WDR72: variants seen among roughly 807,000 people sequenced by gnomAD.
The protein encoded by WDR72 is WD repeat domain 72.
In WDR72, 120 loss-of-function variants were observed where a neutral mutation model predicts 124.2. The observed-to-expected ratio is 0.97, with a 90% CI of 0.83 to 1.12. The LOEUF (loss-of-function observed/expected upper bound fraction) is 1.12. WDR72 is among the 50% of genes most tolerant of loss of function. The pLI, the probability that WDR72 is intolerant of heterozygous loss-of-function variation, is 0.00. For synonymous variants in WDR72, 452 were observed against 441.7 expected, an observed-to-expected ratio of 1.02 and a Z score of -0.29; for missense variants, 1,387 against 1,278.8, an observed-to-expected ratio of 1.08 and a Z score of -1.29.
chr15:53,647,642 A>G (rs1023668781), intron 14 of WDR72, among the ~76,000 whole-genome samples: 2 of 152,034 alleles, frequency 1.3e-5, no homozygotes, highest in African/African-American at 2.4e-5. Context: ...CTTCTGCTTC[A>G]TTAGCTCTGT....
At chr15:53,748,192 A>T (rs1243105947) in intron 1 of WDR72, among the ~76,000 whole-genome samples, 1 of 152,184 alleles carries the variant, frequency 6.6e-6, no homozygotes, top group Non-Finnish European at 1.5e-5. Context: ...TTAACTAAGT[A>T]TTCATGCTAC....
chr15:53,681,055 G>C (rs1250028980), intron 13 of WDR72, among the ~76,000 whole-genome samples: 9 of 152,204 alleles, frequency 5.9e-5, no homozygotes, highest in Non-Finnish European at 1.3e-4. Flanking sequence ...AAACACAAAA[G>C]ACCTTTCCCA....
chr15:53,536,408 G>A (rs1057310334), intron 18 of WDR72, among the ~76,000 whole-genome samples: 2 of 152,100 alleles, frequency 1.3e-5, no homozygotes, highest in Non-Finnish European at 2.9e-5. Flanking sequence ...AAGTGGAAGA[G>A]AACTTCAACT....
At chr15:53,521,379 G>T (rs1440278528) in intron 19 of WDR72, among the ~76,000 whole-genome samples, 1 of 152,052 alleles carries the variant, frequency 6.6e-6, no homozygotes, top group Non-Finnish European at 1.5e-5. Context: ...ATTCTCAGTG[G>T]AAGGCAGTGA....
intron 18 of WDR72, among the ~76,000 whole-genome samples, chr15:53,581,153 G>A (rs1301895349): frequency 1.3e-5 from 2 of 151,998 alleles, no homozygotes; most frequent in Non-Finnish European, 2.9e-5. Flanking sequence ...ATTAGAGAGC[G>A]AGAGTGTGTG....
intron 18 of WDR72, among the ~76,000 whole-genome samples, chr15:53,575,006 AACACACAC>A (rs3081214): frequency 0.016 from 2,359 of 147,278 alleles, 67 homozygotes; most frequent in African/African-American, 0.055. Context: ...AATCAAACAC[AACACACAC>A]ACACACACAC....
At chr15:53,626,416 C>G (rs911341701) in intron 14 of WDR72, among the ~76,000 whole-genome samples, 2 of 152,162 alleles carry the variant, frequency 1.3e-5, no homozygotes, top group African/African-American at 4.8e-5. Flanking sequence ...GCACAGCGGA[C>G]ACCCTGCCGG....
chr15:53,699,782 T>C lies in WDR72; in HGVS notation c.1733A>G (p.Asp578Gly), dbSNP rs1231855370. 1 of 1,614,190 alleles carries C rather than the reference T, an allele frequency of 6.2e-7. No homozygotes were observed. The highest frequency in any genetic ancestry group is 8.5e-7 in the Non-Finnish European group (1 of 1,180,034). ...AATTTCCCAGATATAAACTGAGTCA[T>C]CTGCACATCCAACAATTAAAAAATT... ...VENFLIVGCA[D>G]DSVYIWEIET... is the part of the protein sequence containing the mutation. Residue 578 changes from aspartate to glycine, a missense_variant, in exon 13 of 20, where the codon GAT becomes GGT. Coordinates refer to ENST00000360509, the MANE Select transcript of WDR72 (RefSeq NM_182758.4).
At chr15:53,742,114 T>G (rs1423383314) in intron 1 of WDR72, among the ~76,000 whole-genome samples, 1 of 152,188 alleles carries the variant, frequency 6.6e-6, no homozygotes, top group African/African-American at 2.4e-5. Flanking sequence ...AAGAACTGAT[T>G]AAAAGCTTGC....
chr15:53,608,785 T>TAAATAAATAAATAAATAAATAAAA (rs61501258), intron 17 of WDR72, among the ~76,000 whole-genome samples: 2,462 of 149,876 alleles, frequency 0.016, 44 homozygotes, highest in African/African-American at 0.039. Context: ...AATAAATAAA[T>TAAATAAATAAATAAATAAATAAAA]ATAAAAATAA....
In WDR72 at chr15:53,616,119, G is replaced by A. The variant is rs2013755829; in HGVS notation, c.2087C>T (p.Thr696Ile). ...GGAAGAGTCAACATCACTGAGTGGA[G>A]TTGGTAGCAAAAGTTCAACAAGGTT... ...LENLVELLLP[T>I]PLSDVDSSSS... is the part of the protein sequence containing the mutation. Residue 696 changes from threonine (T) to isoleucine (I), a missense_variant, in exon 15 of 20, where the codon ACT becomes ATT. By Grantham distance (89) the Thr-to-Ile change is moderately conservative (BLOSUM62 -1). Transcript: ENST00000360509. 6.2e-7 allele frequency: 1 copy of A among 1,604,798 alleles called. No homozygotes were observed. Among genetic ancestry groups the A allele is most frequent in the African/African-American group, 1.3e-5 (1 of 74,470 alleles).
chr15:53,535,060 G>T (rs1196709385), intron 18 of WDR72, among the ~76,000 whole-genome samples: 1 of 151,974 alleles, frequency 6.6e-6, no homozygotes, highest in Non-Finnish European at 1.5e-5. Flanking sequence ...AGGAAATAAA[G>T]AGGATTTGTC....
intron 3 of WDR72, 64 bp downstream of exon 3, chr15:53,722,738 C>T (rs2017911557): frequency 5.0e-6 from 7 of 1,413,888 alleles, no homozygotes; most frequent in Middle Eastern, 1.7e-4. Flanking sequence ...AAATTGTATT[C>T]CATTGTAGTT....
At chr15:53,646,140 C>T (rs1485741656) in intron 14 of WDR72, among the ~76,000 whole-genome samples, 1 of 152,066 alleles carries the variant, frequency 6.6e-6, no homozygotes, top group East Asian at 1.9e-4. Context: ...TTTTTAATGA[C>T]TGCAAAGAAA....
In WDR72 at chr15:53,724,599, G is replaced by T. The variant is rs371943461; in HGVS notation, c.154-1691C>A. Among the ~76,000 whole-genome samples the T allele has an allele frequency of 8.5e-5, 13 of 152,232 alleles. No individual in the cohort carries two copies. The South Asian group carries it at 2.7e-3, about 32-fold the overall frequency. ...ACTTTTAAACCATAGGATCTCGCGAGAACTCACTCACTATCACAAGAACAG... is the reference window on the plus strand; with the variant it reads ...ACTTTTAAACCATAGGATCTCGCGATAACTCACTCACTATCACAAGAACAG... On this transcript the variant is annotated intron_variant, in intron 2 of 19. Coordinates refer to ENST00000360509, the MANE Select transcript of WDR72 (RefSeq NM_182758.4).
At chr15:53,546,554 A>C (rs1451910716) in intron 18 of WDR72, among the ~76,000 whole-genome samples, 2 of 152,008 alleles carry the variant, frequency 1.3e-5, no homozygotes, top group African/African-American at 4.8e-5. Context: ...TGGGAGATAT[A>C]CCTAATGCTA....
intron 18 of WDR72, among the ~76,000 whole-genome samples, chr15:53,572,657 T>A (rs1037739016): frequency 1.3e-5 from 2 of 152,208 alleles, no homozygotes; most frequent in Non-Finnish European, 1.5e-5. Flanking sequence ...ATTCTTAACC[T>A]TTCTCTGAAG....
At chr15:53,726,264 GTA>G (rs34367324) in intron 2 of WDR72, among the ~76,000 whole-genome samples, 1,967 of 110,262 alleles carry the variant, frequency 0.018, 18 homozygotes, top group Middle Eastern at 0.032. Flanking sequence ...ATGTATGTGT[GTA>G]TATATATATA....
At chr15:53,536,394 G>A (rs1215971540) in intron 18 of WDR72, among the ~76,000 whole-genome samples, 1 of 152,198 alleles carries the variant, frequency 6.6e-6, no homozygotes, top group East Asian at 1.9e-4. Context: ...GATGTAGTTA[G>A]AAAAAGTGGA....
Sources: gnomAD v4.1 joint callset for allele counts (sites outside exome capture counted in the v4.1 genomes callset) on GRCh38, gnomAD v4.1.1 for gene constraint, MANE v1.5 for transcripts, NCBI Gene and HGNC (gene_info 2026-07-23, HGNC 2026-07-21) for gene names.